The following ANO10 variants were observed in gnomAD, a reference collection of about 807,000 sequenced individuals.
ANO10 encodes anoctamin 10, also known as anoctamin-10.
A neutral mutation model predicts 74.7 loss-of-function variants in ANO10; 77 were observed. That is an observed-to-expected ratio of 1.03 (90% CI 0.86 to 1.25). ANO10 has a LOEUF of 1.25. Ranked by LOEUF, ANO10 falls within the 50% of genes most tolerant of loss-of-function variation. ANO10 has a pLI of 0.00. For missense variants in ANO10, 721 were observed against 778.1 expected (o/e 0.93, Z 0.87); for synonymous variants, 279 against 284.9 (o/e 0.98, Z 0.21).
At chr3:43,402,733 A>G (rs1464193974) in intron 12 of ANO10, among the ~76,000 whole-genome samples, 1 of 152,206 alleles carries the variant, frequency 6.6e-6, no homozygotes, top group East Asian at 1.9e-4. Context: ...AGCTCAGGAT[A>G]TGTGACTATA....
At chr3:43,533,308 C>G (rs898079659) in intron 11 of ANO10, among the ~76,000 whole-genome samples, 4 of 152,128 alleles carry the variant, frequency 2.6e-5, no homozygotes, top group African/African-American at 9.7e-5. Flanking sequence ...CATGCCCCTG[C>G]CTCCAAGTAT....
chr3:43,649,027 C>T (rs546113674), intron 1 of ANO10, among the ~76,000 whole-genome samples: 3 of 152,136 alleles, frequency 2.0e-5, no homozygotes, highest in Non-Finnish European at 4.4e-5. Context: ...TCTTTATGAC[C>T]TCTATCTTGT....
At position 43,379,653 on chromosome 3, in the gene ANO10, G is replaced by T. The variant is rs1016090753; in HGVS notation, c.1915-12679C>A. Reference sequence around the variant, plus strand: ...CTGGAAATAAACTCAGCGCTGTTGTGGGGGCACGGTGGGAGGGAGACTGGC... The same window carrying T: ...CTGGAAATAAACTCAGCGCTGTTGTTGGGGCACGGTGGGAGGGAGACTGGC... On this transcript the variant is annotated intron_variant, in intron 12 of 12. Transcript: ENST00000292246. 7.9e-5 allele frequency among the ~76,000 whole-genome samples: 12 copies of T among 152,298 alleles called. 1 individual carries two copies. Among genetic ancestry groups the T allele is most frequent in the East Asian group, 3.9e-4 (2 of 5,184 alleles).
At chr3:43,537,893 C>A (rs539765764) in intron 11 of ANO10, among the ~76,000 whole-genome samples, 2 of 152,078 alleles carry the variant, frequency 1.3e-5, no homozygotes, top group Non-Finnish European at 2.9e-5. Context: ...CTAATTTAAT[C>A]CAGTCTTAGC....
intron 11 of ANO10, among the ~76,000 whole-genome samples, chr3:43,545,360 GT>G (rs773722635): frequency 6.0e-5 from 9 of 150,914 alleles, no homozygotes; most frequent in African/African-American, 1.7e-4. Context: ...CCCAATGATG[GT>G]TTTTTTTTGT....
At chr3:43,424,034 C>G (rs2092860819) in intron 12 of ANO10, among the ~76,000 whole-genome samples, 1 of 152,190 alleles carries the variant, frequency 6.6e-6, no homozygotes, top group Admixed American at 6.5e-5. Flanking sequence ...TGGTCCTCCT[C>G]CTCCCTCATC....
chr3:43,599,197 C>T (rs2082225145), intron 3 of ANO10, among the ~76,000 whole-genome samples: 1 of 152,182 alleles, frequency 6.6e-6, no homozygotes, highest in South Asian at 2.1e-4. Context: ...TAAATTTCCT[C>T]TTGAACATTT....
chr3:43,574,634 T>C lies in ANO10; in HGVS notation c.1218+175A>G, dbSNP rs1390521099. On this transcript the variant is annotated intron_variant, in intron 7 of 12. Coordinates refer to ENST00000292246, the MANE Select transcript of ANO10 (RefSeq NM_018075.5). ...TGAAGTCTTACATCACATGCACATT[T>C]GTAATAAGGCTACTGAACACAGAGG... Among the ~76,000 whole-genome samples, 14 of 152,308 alleles carry C rather than the reference T, an allele frequency of 9.2e-5. 1 individual carries two copies. Among genetic ancestry groups the C allele is most frequent in the Non-Finnish European group, 2.1e-4 (14 of 68,028 alleles).
chr3:43,588,330 G>T (rs946735341), intron 4 of ANO10, among the ~76,000 whole-genome samples: 2 of 151,982 alleles, frequency 1.3e-5, no homozygotes, highest in Admixed American at 1.3e-4. Context: ...AGCCTATACT[G>T]TTAAATTTGA....
At chr3:43,642,100 G>C (rs1388793940) in intron 1 of ANO10, among the ~76,000 whole-genome samples, 1 of 152,168 alleles carries the variant, frequency 6.6e-6, no homozygotes, top group Non-Finnish European at 1.5e-5. Flanking sequence ...TATGTTAATT[G>C]ACACAAGGGT....
At chr3:43,618,353 T>C (rs1338024622) in intron 1 of ANO10, among the ~76,000 whole-genome samples, 1 of 152,196 alleles carries the variant, frequency 6.6e-6, no homozygotes, top group Non-Finnish European at 1.5e-5. Flanking sequence ...CAACTGAGTC[T>C]AGCCATGGAA....
intron 1 of ANO10, among the ~76,000 whole-genome samples, chr3:43,606,074 T>C (rs1185358652): frequency 6.6e-6 from 1 of 152,216 alleles, no homozygotes; most frequent in Non-Finnish European, 1.5e-5. Flanking sequence ...CATCCTTTTC[T>C]ATAAGCAGCT....
upstream of ANO10, among the ~76,000 whole-genome samples, chr3:43,625,130 TGCAGG>T (rs563543014): frequency 1.5e-3 from 236 of 152,294 alleles, no homozygotes; most frequent in African/African-American, 5.4e-3. Context: ...ACCATACCAC[TGCAGG>T]GCAGCTCCCA....
At chr3:43,564,478 G>A (rs2080211087) in intron 8 of ANO10, among the ~76,000 whole-genome samples, 1 of 151,668 alleles carries the variant, frequency 6.6e-6, no homozygotes, top group Non-Finnish European at 1.5e-5. Context: ...TACTTCTTGG[G>A]ATATTTCTTT....
chr3:43,682,765 G>A (rs1177238124), intron 1 of ANO10, among the ~76,000 whole-genome samples: 2 of 152,176 alleles, frequency 1.3e-5, no homozygotes, highest in African/African-American at 4.8e-5. Context: ...GGGATGGAAG[G>A]CTAGTTCAAC....
At chr3:43,656,541 A>G (rs893625515) in intron 1 of ANO10, among the ~76,000 whole-genome samples, 10 of 152,240 alleles carry the variant, frequency 6.6e-5, no homozygotes, top group Non-Finnish European at 1.3e-4. Context: ...AGGCTCAGGC[A>G]TGGCGGGCTG....
At chr3:43,474,221 C>A (rs751663137) in intron 11 of ANO10, among the ~76,000 whole-genome samples, 3 of 152,068 alleles carry the variant, frequency 2.0e-5, no homozygotes, top group African/African-American at 7.2e-5. Context: ...CCCGCCCCCC[C>A]CAACCCCAAT....
At chr3:43,522,833 A>G (rs1240755367) in intron 11 of ANO10, among the ~76,000 whole-genome samples, 2 of 152,224 alleles carry the variant, frequency 1.3e-5, no homozygotes, top group Non-Finnish European at 1.5e-5. Flanking sequence ...CACCATTGGC[A>G]TAGCACTGCC....
At chr3:43,492,875 G>A (rs538296167) in intron 11 of ANO10, among the ~76,000 whole-genome samples, 1 of 152,164 alleles carries the variant, frequency 6.6e-6, no homozygotes, top group Admixed American at 6.5e-5. Flanking sequence ...GGAAGACAGT[G>A]TGGCGATTCC....
Sources: allele counts gnomAD v4.1 joint callset (sites outside exome capture counted in the v4.1 genomes callset), GRCh38; gene constraint gnomAD v4.1.1; transcripts MANE v1.5; gene names NCBI Gene and HGNC (gene_info 2026-07-23, HGNC 2026-07-21).